STK32C: variants seen among roughly 807,000 people sequenced by gnomAD.
STK32C encodes the protein serine/threonine kinase 32C, also known as serine/threonine-protein kinase 32C.
In STK32C, 31 loss-of-function variants were observed where a neutral mutation model predicts 56.5. That is an observed-to-expected ratio of 0.55 (90% CI 0.41 to 0.74). STK32C has a LOEUF of 0.74. Among genes scored for constraint, STK32C ranks in the 30% least tolerant of loss-of-function variants. STK32C has a pLI of 0.00. For missense variants in STK32C, 544 were observed against 676.9 expected, an observed-to-expected ratio of 0.80 and a Z score of 2.18; for synonymous variants, 309 against 289.4, an observed-to-expected ratio of 1.07 and a Z score of -0.69.
intron 10 of STK32C, among the ~76,000 whole-genome samples, chr10:132,210,863 G>A (rs936767824): frequency 3.3e-5 from 5 of 152,218 alleles, no homozygotes; most frequent in Admixed American, 3.3e-4. Context: ...CACCCTGGCA[G>A]CGGGAATGTG....
chr10:132,331,585 A>T, exon 1 of STK32C: 1 of 1,612,940 alleles, frequency 6.2e-7, no homozygotes, highest in Non-Finnish European at 8.5e-7. Context: ...AGGAAGCCCC[A>T]GGAGAGACGC....
chr10:132,215,184 A>G (rs150950327), intron 10 of STK32C, among the ~76,000 whole-genome samples: 282 of 152,148 alleles, frequency 1.9e-3, no homozygotes, highest in Non-Finnish European at 3.5e-3. Flanking sequence ...ACACCCAGAT[A>G]ATTTTTTTTT....
intron 1 of STK32C, among the ~76,000 whole-genome samples, chr10:132,318,035 CAAG>C (rs1468874379): frequency 2.0e-5 from 3 of 150,888 alleles, no homozygotes; most frequent in Middle Eastern, 3.5e-3. Flanking sequence ...TTTGGGAGGC[CAAG>C]GAGGGTGGAT....
intron 1 of STK32C, among the ~76,000 whole-genome samples, chr10:132,272,703 C>T (rs950448285): frequency 6.6e-6 from 1 of 152,228 alleles, no homozygotes; most frequent in African/African-American, 2.4e-5. Context: ...CCTCCACCCT[C>T]GCCCTAGAAT....
At chr10:132,246,899 C>A (rs1391309841) in intron 1 of STK32C, among the ~76,000 whole-genome samples, 1 of 152,200 alleles carries the variant, frequency 6.6e-6, no homozygotes, top group Non-Finnish European at 1.5e-5. Flanking sequence ...TCCGTGTCCC[C>A]AGGTCTGCAC....
upstream of STK32C, among the ~76,000 whole-genome samples, chr10:132,309,287 T>C (rs903358409): frequency 2.0e-5 from 3 of 152,034 alleles, no homozygotes; most frequent in Admixed American, 2.0e-4. Context: ...CCCCATCCCT[T>C]GGGGACTATA....
At chr10:132,228,885 C>G (rs1389651942) in intron 2 of STK32C, among the ~76,000 whole-genome samples, 1 of 152,242 alleles carries the variant, frequency 6.6e-6, no homozygotes, top group Non-Finnish European at 1.5e-5. Context: ...GGCTTGGGGG[C>G]CACCGCTGCC....
intron 2 of STK32C, among the ~76,000 whole-genome samples, chr10:132,232,853 G>C (rs545494228): frequency 1.3e-5 from 2 of 152,248 alleles, no homozygotes; most frequent in South Asian, 4.1e-4. Flanking sequence ...AGCGCCACCC[G>C]GAACAGGCTG....
chr10:132,253,303 G>A (rs558346953), intron 1 of STK32C, among the ~76,000 whole-genome samples: 9 of 152,348 alleles, frequency 5.9e-5, no homozygotes, highest in East Asian at 1.9e-4. Flanking sequence ...AACTGGAACC[G>A]GGCAAAAGGA....
chr10:132,258,557 G>T (rs1029651948), intron 1 of STK32C, among the ~76,000 whole-genome samples: 1 of 152,216 alleles, frequency 6.6e-6, no homozygotes, highest in Admixed American at 6.5e-5. Context: ...GCGCTCTCCC[G>T]GGTGGCTGGG....
At chr10:132,269,724 G>A (rs1226405650) in intron 1 of STK32C, among the ~76,000 whole-genome samples, 1 of 152,264 alleles carries the variant, frequency 6.6e-6, no homozygotes, top group African/African-American at 2.4e-5. Context: ...TGCAAAAGGT[G>A]GAGGTGGGCC....
chr10:132,242,592 C>T (rs2063543570), intron 2 of STK32C, among the ~76,000 whole-genome samples: 1 of 152,126 alleles, frequency 6.6e-6, no homozygotes, highest in Admixed American at 6.5e-5. Context: ...CAAACCATCA[C>T]AGCCCCCGCT....
At chr10:132,264,235 G>C (rs185581261) in intron 1 of STK32C, among the ~76,000 whole-genome samples, 4 of 152,342 alleles carry the variant, frequency 2.6e-5, no homozygotes, top group Non-Finnish European at 1.5e-5. Context: ...GGTTAATTTT[G>C]TGTGCTATGA....
Position 132,324,373 on chromosome 10 carries a change from C to CCTAT in STK32C, c.302-4_302-1dup (p.Ser101AsnfsTer33), listed in dbSNP as rs564621303. ...AGTCCTGGGGTGTGCTCTCAGAAGA[C>CCTAT]CTATATGAGGAAACAGAGGTCATCT... On this transcript the variant is annotated frameshift_variant and splice_region_variant. Coordinates refer to the STK32C transcript ENST00000368619. LOFTEE classifies it high-confidence loss of function. 3.3e-3 allele frequency: 2,570 copies of CCTAT among 777,298 alleles called. 10 individuals are homozygous for CCTAT. Among genetic ancestry groups the CCTAT allele is most frequent in the Non-Finnish European group, 4.7e-3 (1,954 of 416,876 alleles). The allele number at this position is 777,298 out of a possible 1,614,324, so 48.2% of individuals were successfully genotyped here. A position where few individuals can be genotyped will look rare whatever the true frequency, so the allele number is the denominator to read the frequency against.
intron 1 of STK32C, among the ~76,000 whole-genome samples, chr10:132,265,679 G>A (rs2064495604): frequency 6.6e-6 from 1 of 152,248 alleles, no homozygotes; most frequent in African/African-American, 2.4e-5. Flanking sequence ...AGTAATAAAT[G>A]GCAAGCAGCA....
At chr10:132,316,865 C>G (rs1200035207) in intron 1 of STK32C, among the ~76,000 whole-genome samples, 4 of 151,802 alleles carry the variant, frequency 2.6e-5, no homozygotes, top group Non-Finnish European at 5.9e-5. Flanking sequence ...ACCATCTTGG[C>G]CAACATGATG....
chr10:132,225,333 G>A lies in STK32C; in HGVS notation c.776C>T (p.Pro259Leu), dbSNP rs200904038. The A allele has an allele frequency of 2.5e-5, 40 of 1,608,066 alleles. No homozygotes were observed. Among genetic ancestry groups the A allele is most frequent in the Admixed American group, 6.7e-5 (4 of 59,378 alleles). Residue 259 changes from proline (P) to leucine (L), a missense_variant, in exon 7 of 12, where the codon CCG becomes CTG. Pro to Leu is a moderately conservative substitution (Grantham distance 98). Coordinates refer to ENST00000298630, the MANE Select transcript of STK32C (RefSeq NM_173575.4). The part of the protein sequence containing the change: ...ALAGTKPYMA[P>L]EIFHSFVNGG... ...GTTGACAAAAGAGTGGAAGATCTCC[G>A]GAGCTTTCCGACAGAAAGAAGGAAA...
chr10:132,235,626 G>A (rs979640483), intron 2 of STK32C, among the ~76,000 whole-genome samples: 20 of 152,114 alleles, frequency 1.3e-4, no homozygotes, highest in African/African-American at 4.8e-4. Flanking sequence ...GCCTCCAGGT[G>A]ACGTGGGCAG....
At chr10:132,329,344 G>A (rs545616005) in intron 1 of STK32C, among the ~76,000 whole-genome samples, 1 of 151,992 alleles carries the variant, frequency 6.6e-6, no homozygotes, top group South Asian at 2.1e-4. Context: ...AATCTGGGAG[G>A]CAAAGGCTAC....
Sources: allele counts gnomAD v4.1 joint callset (sites outside exome capture counted in the v4.1 genomes callset), GRCh38; gene constraint gnomAD v4.1.1; transcripts MANE v1.5; gene names NCBI Gene and HGNC (gene_info 2026-07-23, HGNC 2026-07-21).